C1orf53: variants seen among roughly 807,000 people sequenced by gnomAD.
C1orf53 encodes uncharacterized protein C1orf53.
Under a neutral mutation model 17.5 loss-of-function variants are expected in C1orf53, and 23 were observed. That is an observed-to-expected ratio of 1.31 (90% CI 0.94 to 1.86). The LOEUF is 1.86. C1orf53 is among the 40% of genes most tolerant of loss of function. The pLI is 0.00. For missense variants in C1orf53, 255 were observed against 193.2 expected, an observed-to-expected ratio of 1.32 and a Z score of -1.89; for synonymous variants, 108 against 81.9, an observed-to-expected ratio of 1.32 and a Z score of -1.72.
chr1:197,904,858 T>C (rs998744990), intron 1 of C1orf53, among the ~76,000 whole-genome samples: 3 of 152,124 alleles, frequency 2.0e-5, no homozygotes, highest in Admixed American at 1.3e-4. Flanking sequence ...TGGTGGTTCA[T>C]ACAAAAATGT....
chr1:197,902,670 G>C lies in C1orf53; in HGVS notation c.21G>C (p.Trp7Cys), dbSNP rs775617419. 1.2e-5 allele frequency: 18 copies of C among 1,490,002 alleles called. No homozygotes were observed. In the South Asian group the frequency reaches 2.3e-4, roughly 19 times the overall value. 92.3% of individuals were successfully genotyped at this position (1,490,002 alleles called of 1,614,324 possible). Reference sequence around the variant, plus strand: ...GCGGCATGGCGGCCAGGCAGATCTGGGCACGGACGGGTGCCGCGCTCTGCA... The same window carrying C: ...GCGGCATGGCGGCCAGGCAGATCTGCGCACGGACGGGTGCCGCGCTCTGCA... Reference protein sequence around the residue: MAARQIWARTGAALCRQ... With the variant: MAARQICARTGAALCRQ... Residue 7 changes from tryptophan (W) to cysteine (C), a missense_variant, in exon 1 of 3, where the codon TGG becomes TGC. Trp to Cys is a radical substitution (Grantham distance 215, BLOSUM62 -2). Transcript: ENST00000367393.
In C1orf53 at chr1:197,905,807, A is replaced by G; in HGVS notation, c.276A>G (p.Leu92=). ...TTATTGCACTTCAGGCTGGCCAGCT[A>G]AACTATGTGGATCCAGCTACTGGCT... ...LHAAACAAGQ[L]NYVDPATGYV... The change falls in exon 2 of 3, where the codon CTA becomes CTG. Residue 92 remains leucine (L), a synonymous_variant. Coordinates refer to ENST00000367393, the MANE Select transcript of C1orf53 (RefSeq NM_001024594.3). 3.1e-6 allele frequency: 5 copies of G among 1,612,914 alleles called. No homozygotes were observed. The highest frequency in any genetic ancestry group is 3.3e-5 in the Admixed American group (2 of 59,916).
rs1201523683 is a variant in C1orf53 at position 197,905,867 on chromosome 1, AG to A, written c.338del (p.Gly113ValfsTer42). On this transcript the variant is annotated frameshift_variant, in exon 2 of 3. Transcript: ENST00000367393. LOFTEE classifies it high-confidence loss of function. ...TCACACAGATTGCCCACTTGCAAAG[AG>A]GTGAATGTTGTGGCTCTGCGTGCAG... Reference protein sequence around the residue: ...VLTQIAHLQRGECCGSACRHC... With the variant: ...VLTQIAHLQRXECCGSACRHC... 9 of 1,613,780 alleles carry A rather than the reference AG, an allele frequency of 5.6e-6. No individual in the cohort carries two copies. In the East Asian group the frequency reaches 1.6e-4, roughly 28 times the overall value.
chr1:197,905,020 A>G (rs1206441620), intron 1 of C1orf53, among the ~76,000 whole-genome samples: 1 of 152,216 alleles, frequency 6.6e-6, no homozygotes, highest in Admixed American at 6.5e-5. Flanking sequence ...ATATCACCCC[A>G]AAGACCCAAA....
intron 1 of C1orf53, 56 bp downstream of exon 1, chr1:197,902,969 C>G: frequency 1.5e-6 from 2 of 1,324,508 alleles, no homozygotes; most frequent in Non-Finnish European, 1.9e-6. Context: ...GCTCGGCGCG[C>G]CTGCGCATCC....
At chr1:197,905,327 T>C (rs1393172803) in intron 1 of C1orf53, among the ~76,000 whole-genome samples, 1 of 152,214 alleles carries the variant, frequency 6.6e-6, no homozygotes, top group African/African-American at 2.4e-5. Context: ...GGTAATACTT[T>C]TCTATAAGGA....
chr1:197,905,663 T>C, intron 1 of C1orf53, 133 bp from the exon 2 acceptor site: 1 of 628,070 alleles, frequency 1.6e-6, no homozygotes, highest in East Asian at 2.8e-5. Flanking sequence ...TAATTGCAAG[T>C]GCCACTAAAA....
At chr1:197,907,108 G>T in intron 2 of C1orf53, 41 bp from the exon 3 acceptor site, 1 of 1,222,282 alleles carries the variant, frequency 8.2e-7, no homozygotes, top group East Asian at 2.5e-5. Context: ...CAAGATGATT[G>T]TTAAATAATT....
At chr1:197,906,712 G>A (rs371086548) in intron 2 of C1orf53, among the ~76,000 whole-genome samples, 11 of 152,186 alleles carry the variant, frequency 7.2e-5, no homozygotes, top group East Asian at 3.8e-4. Flanking sequence ...CACTTTGTAT[G>A]TTTTGGTGCA....
intron 2 of C1orf53, 42 bp downstream of exon 2, chr1:197,905,939 T>G: frequency 1.5e-6 from 2 of 1,355,310 alleles, no homozygotes; most frequent in Non-Finnish European, 2.1e-6. Flanking sequence ...TTTGCGGTGC[T>G]TCTGTAACTT....
chr1:197,904,912 A>AG (rs1433889975), intron 1 of C1orf53, among the ~76,000 whole-genome samples: 1 of 151,644 alleles, frequency 6.6e-6, no homozygotes, highest in Non-Finnish European at 1.5e-5. Context: ...TTTAATGAAA[A>AG]AAACTCTGTA....
chr1:197,903,788 G>A (rs577493241), intron 1 of C1orf53, among the ~76,000 whole-genome samples: 8 of 152,210 alleles, frequency 5.3e-5, no homozygotes, highest in Non-Finnish European at 8.8e-5. Flanking sequence ...TAGGCCCTGA[G>A]AATCCACTGT....
At chr1:197,906,445 G>A (rs762531203) in intron 2 of C1orf53, among the ~76,000 whole-genome samples, 21 of 147,326 alleles carry the variant, frequency 1.4e-4, no homozygotes, top group Non-Finnish European at 2.8e-4. Flanking sequence ...CCTTTCTGTG[G>A]CTCTTTTCCA....
Position 197,902,907 on chromosome 1 carries a change from C to G in C1orf53, c.258C>G (p.Ala86=). Residue 86 remains alanine (A), a synonymous_variant, in exon 1 of 3, where the codon GCC becomes GCG. Transcript: ENST00000367393. ...AGATCGCGGAGCTGCACGCTGCCGCCTGCGCGGTGAGACTCCCTCCTGCCC... is the reference window on the plus strand; with the variant it reads ...AGATCGCGGAGCTGCACGCTGCCGCGTGCGCGGTGAGACTCCCTCCTGCCC... ...ERQIAELHAA[A]CAAGQLNYVD... The G allele has an allele frequency of 1.4e-6, 2 of 1,467,976 alleles. No individual in the cohort carries two copies. Among genetic ancestry groups the G allele is most frequent in the Non-Finnish European group, 1.8e-6 (2 of 1,113,020 alleles). The allele number at this position is 1,467,976 out of a possible 1,614,324, so 90.9% of individuals were successfully genotyped here.
intron 2 of C1orf53, among the ~76,000 whole-genome samples, chr1:197,906,865 A>T (rs1015223856): frequency 3.3e-5 from 5 of 152,238 alleles, no homozygotes; most frequent in African/African-American, 1.2e-4. Context: ...AATCAAATGC[A>T]TAAGAGCTTT....
Position 197,904,069 on chromosome 1 carries a change from G to A in C1orf53, c.264+1156G>A, listed in dbSNP as rs117156187. Among the ~76,000 whole-genome samples the A allele has an allele frequency of 3.5e-4, 54 of 152,332 alleles. No homozygotes were observed. The East Asian group carries it at 8.5e-3, about 24-fold the overall frequency. On this transcript the variant is annotated intron_variant, in intron 1 of 2. Transcript: ENST00000367393. Reference sequence around the variant, plus strand: ...ATTCACATTTGTTTCATCAGTGTCAGTATCACAGGTTAAATGACTATCCAG... The same window carrying A: ...ATTCACATTTGTTTCATCAGTGTCAATATCACAGGTTAAATGACTATCCAG...
Position 197,907,256 on chromosome 1 carries a change from A to G in C1orf53, c.*36A>G. 1 of 1,270,282 alleles carries G rather than the reference A, an allele frequency of 7.9e-7. No individual in the cohort carries two copies. The highest frequency in any genetic ancestry group is 1.1e-6 in the Non-Finnish European group (1 of 895,294). 78.7% of individuals were successfully genotyped at this position (1,270,282 alleles called of 1,614,324 possible). Reference sequence around the variant, plus strand: ...ATCTCTGTTCCCTAACTGTGCTTGTATTTTTTAAAAAATAAAGCCCCAATT... The same window carrying G: ...ATCTCTGTTCCCTAACTGTGCTTGTGTTTTTTAAAAAATAAAGCCCCAATT... On this transcript the variant is annotated 3_prime_UTR_variant, in exon 3 of 3. Coordinates refer to ENST00000367393, the MANE Select transcript of C1orf53 (RefSeq NM_001024594.3).
In C1orf53 at chr1:197,905,888, G is replaced by A. The variant is rs771403673; in HGVS notation, c.357G>A (p.Ala119=). The stretch of plus-strand genomic sequence containing the variant: ...AAAGAGGTGAATGTTGTGGCTCTGC[G>A]TGCAGACATGTGAGTAGCAATTCTT... ...HLQRGECCGS[A]CRHCPYGQVN... Residue 119 remains alanine (A), a synonymous_variant, in exon 2 of 3, where the codon GCG becomes GCA. Coordinates refer to ENST00000367393, the MANE Select transcript of C1orf53 (RefSeq NM_001024594.3). 25 of 1,612,370 alleles carry A rather than the reference G, an allele frequency of 1.6e-5. No individual in the cohort carries two copies. The South Asian group carries it at 1.8e-4, about 11-fold the overall frequency.
intron 1 of C1orf53, among the ~76,000 whole-genome samples, chr1:197,903,336 TAGAGTG>T (rs767216509): frequency 1.3e-5 from 2 of 152,230 alleles, no homozygotes; most frequent in Admixed American, 1.3e-4. Context: ...CAGTGATTCT[TAGAGTG>T]AGAAAAAAAG....
Sources: allele counts gnomAD v4.1 joint callset (sites outside exome capture counted in the v4.1 genomes callset), GRCh38; gene constraint gnomAD v4.1.1; transcripts MANE v1.5; gene names NCBI Gene and HGNC (gene_info 2026-07-23, HGNC 2026-07-21).